Variants in BLM observed in about 807,000 individuals in gnomAD.
BLM encodes the protein recQ-like DNA helicase BLM.
Under a neutral mutation model 135.3 loss-of-function variants are expected in BLM, and 95 were observed. The ratio of observed to expected loss-of-function variants is 0.70; its 90% CI spans 0.59 to 0.83. The LOEUF (loss-of-function observed/expected upper bound fraction) is 0.83. Ranked by LOEUF, BLM falls within the 40% of genes least tolerant of loss-of-function variation. The pLI is 0.00. For synonymous variants in BLM, 520 were observed against 589.2 expected, an observed-to-expected ratio of 0.88 and a Z score of 1.70; for missense variants, 1,518 against 1,663.9, an observed-to-expected ratio of 0.91 and a Z score of 1.53.
At chr15:90,770,176 C>CA (rs1452541663) in intron 12 of BLM, among the ~76,000 whole-genome samples, 2 of 141,070 alleles carry the variant, frequency 1.4e-5, no homozygotes, top group African/African-American at 5.4e-5. Flanking sequence ...ATCCCCCCCC[C>CA]CTTTTTTTTT....
chr15:90,749,238 A>G, intron 2 of BLM, 129 bp from the exon 3 acceptor site: 1 of 671,208 alleles, frequency 1.5e-6, no homozygotes, highest in East Asian at 2.8e-5. Flanking sequence ...ATCGAGAGAG[A>G]TGGATTCTTT....
chr15:90,804,101 T>C, intron 18 of BLM, 66 bp from the exon 19 acceptor site: 1 of 1,455,928 alleles, frequency 6.9e-7, no homozygotes, highest in African/African-American at 1.4e-5. Context: ...AAGCATTAAA[T>C]AAAGCCCCTG....
intron 13 of BLM, among the ~76,000 whole-genome samples, chr15:90,784,156 TG>T (rs1389808034): frequency 3.3e-5 from 5 of 152,134 alleles, no homozygotes; most frequent in Non-Finnish European, 7.3e-5. Context: ...TCCCTAATGT[TG>T]CTCAGTAAAA....
At chr15:90,718,253 G>A (rs895286108) in intron 1 of BLM, among the ~76,000 whole-genome samples, 6 of 152,326 alleles carry the variant, frequency 3.9e-5, no homozygotes, top group South Asian at 2.1e-4. Flanking sequence ...GTACAAAGAG[G>A]TTGTCTCCGT....
At chr15:90,776,795 C>A (rs545434909) in intron 12 of BLM, among the ~76,000 whole-genome samples, 1 of 152,156 alleles carries the variant, frequency 6.6e-6, no homozygotes, top group African/African-American at 2.4e-5. Flanking sequence ...CTGCCCCGGC[C>A]TCCCAAAGTG....
rs1309932713 is a variant in BLM at position 90,790,672 on chromosome 15, TGGAATGG to T, written c.2851_2857del (p.Met951LeufsTer9). Reference sequence around the variant, plus strand: ...AGGTTATCTGTGCTACAATTGCATTTGGAATGGGGATTGACAAACCGGACGTGCGATT... The same window carrying T: ...AGGTTATCTGTGCTACAATTGCATTTGGATTGACAAACCGGACGTGCGATT... On this transcript the variant is annotated frameshift_variant, in exon 15 of 22. Transcript: ENST00000355112. LOFTEE classifies it high-confidence loss of function. The T allele has an allele frequency of 1.2e-6, 2 of 1,614,106 alleles. No individual in the cohort carries two copies. Among genetic ancestry groups the T allele is most frequent in the African/African-American group, 2.7e-5 (2 of 74,954 alleles).
Position 90,780,012 on chromosome 15 carries a change from T to G in BLM, c.2556-2810T>G, listed in dbSNP as rs936087737. Among the ~76,000 whole-genome samples, 9 of 152,078 alleles carry G rather than the reference T, an allele frequency of 5.9e-5. No individual in the cohort carries two copies. The East Asian group carries it at 1.5e-3, about 26-fold the overall frequency. On this transcript the variant is annotated intron_variant, in intron 12 of 21. Coordinates refer to ENST00000355112, the MANE Select transcript of BLM (RefSeq NM_000057.4). ...CAGAATGGATGAAAAGTAGGATTGG[T>G]TTGTTTGTTTTCAGGAAGTGAGGCA... is the stretch of plus-strand genomic sequence containing the variant.
chr15:90,747,073 C>T (rs1056137712), intron 1 of BLM, among the ~76,000 whole-genome samples: 37 of 151,892 alleles, frequency 2.4e-4, no homozygotes, highest in Non-Finnish European at 4.6e-4. Flanking sequence ...TTCTAAAAGC[C>T]CTTTCCTAAT....
chr15:90,722,739 C>T (rs1441967477), intron 1 of BLM, among the ~76,000 whole-genome samples: 2 of 152,164 alleles, frequency 1.3e-5, no homozygotes, highest in African/African-American at 2.4e-5. Flanking sequence ...TAACTATCAT[C>T]TAGATCAAGA....
At chr15:90,808,713 T>G in intron 19 of BLM, 2 of 270,046 alleles carry the variant, frequency 7.4e-6, no homozygotes, top group Non-Finnish European at 1.5e-5. Flanking sequence ...TAGGGTGGGG[T>G]GTACAAGTCT....
chr15:90,754,496 A>T (rs781700290), intron 4 of BLM, among the ~76,000 whole-genome samples: 1 of 152,164 alleles, frequency 6.6e-6, no homozygotes, highest in Non-Finnish European at 1.5e-5. Context: ...AGGTTTTCCA[A>T]ATTGAGAGGA....
intron 5 of BLM, among the ~76,000 whole-genome samples, chr15:90,756,003 A>T (rs1454811919): frequency 3.3e-5 from 5 of 151,794 alleles, no homozygotes; most frequent in Non-Finnish European, 2.9e-5. Context: ...TATTTTAGAG[A>T]TATTCAGGAG....
At chr15:90,736,264 CTTTCT>C (rs1455897240) in intron 1 of BLM, among the ~76,000 whole-genome samples, 1 of 152,084 alleles carries the variant, frequency 6.6e-6, no homozygotes, top group Non-Finnish European at 1.5e-5. Flanking sequence ...ATTTTCTTTT[CTTTCT>C]TTCCTTTTTT....
intron 5 of BLM, 47 bp downstream of exon 5, chr15:90,754,985 T>A (rs1299860709): frequency 1.2e-6 from 2 of 1,605,680 alleles, no homozygotes; most frequent in East Asian, 2.2e-5. Flanking sequence ...CTACTTACTT[T>A]TGAAAACAAC....
At chr15:90,751,694 T>C in intron 3 of BLM, 93 bp from the exon 4 acceptor site, 1 of 1,069,804 alleles carries the variant, frequency 9.3e-7, no homozygotes, top group Non-Finnish European at 1.4e-6. Flanking sequence ...GTTTGTGACT[T>C]GCCAGAAGCA....
intron 15 of BLM, 100 bp downstream of exon 15, chr15:90,790,944 T>A: frequency 8.1e-7 from 1 of 1,237,248 alleles, no homozygotes; most frequent in African/African-American, 1.5e-5. Flanking sequence ...TTTCCTTAAA[T>A]AATCGTAGAA....
intron 1 of BLM, among the ~76,000 whole-genome samples, chr15:90,730,382 C>T (rs527707494): frequency 4.0e-4 from 61 of 152,208 alleles, no homozygotes; most frequent in Admixed American, 1.2e-3. Context: ...TAAACTTCAC[C>T]TTACTGTATT....
chr15:90,774,935 A>C (rs1896433435), intron 12 of BLM, among the ~76,000 whole-genome samples: 1 of 149,660 alleles, frequency 6.7e-6, no homozygotes, highest in African/African-American at 2.5e-5. Context: ...AGGATCTTGC[A>C]TATAACGATG....
At chr15:90,726,601 C>T (rs1894924414) in intron 1 of BLM, among the ~76,000 whole-genome samples, 1 of 152,178 alleles carries the variant, frequency 6.6e-6, no homozygotes. Context: ...TGCCCCTACC[C>T]TTCCCAGCCT....
Sources: allele counts gnomAD v4.1 joint callset (sites outside exome capture counted in the v4.1 genomes callset), GRCh38; gene constraint gnomAD v4.1.1; transcripts MANE v1.5; gene names NCBI Gene and HGNC (gene_info 2026-07-23, HGNC 2026-07-21).